Variants in CPNE5 observed in about 807,000 individuals in gnomAD.
CPNE5 encodes copine 5, also known as copine-5.
CPNE5 carries 42 observed loss-of-function variants against 81.1 expected under a neutral mutation model. That is an observed-to-expected ratio of 0.52 (90% CI 0.40 to 0.67). The LOEUF (loss-of-function observed/expected upper bound fraction) is 0.67. Among genes scored for constraint, CPNE5 ranks in the 30% least tolerant of loss-of-function variants. The pLI is 0.00. For synonymous variants in CPNE5, 313 were observed against 321.5 expected, an observed-to-expected ratio of 0.97 and a Z score of 0.28; for missense variants, 612 against 815.5, an observed-to-expected ratio of 0.75 and a Z score of 3.04.
intron 3 of CPNE5, among the ~76,000 whole-genome samples, chr6:36,821,671 A>G (rs1583015397): frequency 6.6e-6 from 1 of 152,172 alleles, no homozygotes; most frequent in East Asian, 1.9e-4. Context: ...GACTTGATTC[A>G]ATGCAGAAGG....
intron 16 of CPNE5, 123 bp from the exon 17 acceptor site, chr6:36,745,638 G>T (rs1355115063): frequency 6.3e-6 from 7 of 1,119,100 alleles, no homozygotes; most frequent in Non-Finnish European, 8.8e-6. Context: ...TCTCTGGTGT[G>T]GGGTGGCGGG....
chr6:36,823,072 G>T lies in CPNE5; in HGVS notation c.122C>A (p.Ser41Tyr), dbSNP rs777855510. ...CRNLLDKDMF[S>Y]KSDPLCVMYT... is the part of the protein sequence containing the mutation. The stretch of plus-strand genomic sequence containing the variant: ...GCAGGACTTACGTGGGTCGGACTTG[G>T]AAAACATGTCTTTGTCCAGGAGGTT... The change falls in exon 2 of 21, where the codon TCC becomes TAC. Residue 41 changes from serine (S) to tyrosine (Y), a missense_variant. By Grantham distance (144) the Ser-to-Tyr change is moderately radical. Transcript: ENST00000244751. 1 of 1,576,566 alleles carries T rather than the reference G, an allele frequency of 6.3e-7. No homozygotes were observed.
chr6:36,764,244 C>G (rs74509266), intron 11 of CPNE5, among the ~76,000 whole-genome samples: 4 of 152,044 alleles, frequency 2.6e-5, no homozygotes, highest in African/African-American at 9.7e-5. Flanking sequence ...AGTACAGGAA[C>G]GCCAGGGTAA....
At chr6:36,744,379 A>C in intron 18 of CPNE5, 54 bp from the exon 19 acceptor site, 1 of 1,422,410 alleles carries the variant, frequency 7.0e-7, no homozygotes, top group Non-Finnish European at 9.7e-7. Context: ...GGACCCAGTT[A>C]AAAGGAAGGA....
intron 1 of CPNE5, 45 bp from the exon 2 acceptor site, chr6:36,823,143 G>A (rs1355911550): frequency 6.7e-7 from 1 of 1,481,702 alleles, no homozygotes; most frequent in African/African-American, 1.4e-5. Context: ...CCAGCTGAGA[G>A]GAGGCGACCT....
intron 1 of CPNE5, among the ~76,000 whole-genome samples, chr6:36,834,339 TTG>T (rs1373874008): frequency 3.7e-5 from 5 of 134,060 alleles, no homozygotes; most frequent in Non-Finnish European, 6.2e-5. Context: ...AAAAAACAAG[TTG>T]TGTTATTTAT....
Position 36,780,702 on chromosome 6 carries a change from C to T in CPNE5, c.529-1745G>A, listed in dbSNP as rs138054869. Among the ~76,000 whole-genome samples the T allele has an allele frequency of 8.1e-4, 123 of 152,322 alleles. 1 individual carries two copies. Among genetic ancestry groups the T allele is most frequent in the African/African-American group, 2.5e-3 (104 of 41,556 alleles). On this transcript the variant is annotated intron_variant, in intron 8 of 20. Coordinates refer to ENST00000244751, the MANE Select transcript of CPNE5 (RefSeq NM_020939.2). ...CTCCAGCACCTCACTTGCCTTCCCT[C>T]GGGGACATCTGATGACAACAAACAC...
chr6:36,836,996 T>C (rs895079055), intron 1 of CPNE5, among the ~76,000 whole-genome samples: 1 of 152,218 alleles, frequency 6.6e-6, no homozygotes, highest in Non-Finnish European at 1.5e-5. Context: ...AAAAGGGTAT[T>C]GACCCAGGGT....
intron 3 of CPNE5, among the ~76,000 whole-genome samples, 199 bp downstream of exon 3, chr6:36,821,915 G>C (rs1454597566): frequency 6.6e-6 from 1 of 152,206 alleles, no homozygotes; most frequent in Non-Finnish European, 1.5e-5. Context: ...CTGCCTGAGG[G>C]CAGGAACCAT....
chr6:36,811,205 T>C lies in CPNE5; in HGVS notation c.183+10909A>G, dbSNP rs149092086. On this transcript the variant is annotated intron_variant, in intron 3 of 20. Transcript: ENST00000244751. Reference sequence around the variant, plus strand: ...GTCTGACTGTAGAGGGTGGGGGGCCTGAGCAGTCCCCACCCTAAAGGAAGC... The same window carrying C: ...GTCTGACTGTAGAGGGTGGGGGGCCCGAGCAGTCCCCACCCTAAAGGAAGC... Among the ~76,000 whole-genome samples the C allele has an allele frequency of 2.5e-4, 38 of 152,184 alleles. No homozygotes were observed. The East Asian group carries it at 6.6e-3, about 26-fold the overall frequency.
intron 20 of CPNE5, chr6:36,743,260 T>C (rs898805648): frequency 2.0e-6 from 2 of 984,776 alleles, no homozygotes; most frequent in African/African-American, 1.7e-5. Context: ...GTCTTTCTGC[T>C]CATTATATTT....
At chr6:36,806,564 C>T (rs1770610829) in intron 3 of CPNE5, among the ~76,000 whole-genome samples, 1 of 152,184 alleles carries the variant, frequency 6.6e-6, no homozygotes, top group African/African-American at 2.4e-5. Flanking sequence ...GTGGATTTCC[C>T]CAAGCTCATC....
intron 10 of CPNE5, among the ~76,000 whole-genome samples, chr6:36,769,106 TTTTG>T (rs1350359955): frequency 1.3e-5 from 2 of 152,312 alleles, no homozygotes; most frequent in South Asian, 2.1e-4. Context: ...GGCCCGGGAT[TTTTG>T]TTTGTTTGTT....
At chr6:36,836,739 C>T (rs563846765) in intron 1 of CPNE5, among the ~76,000 whole-genome samples, 1 of 152,118 alleles carries the variant, frequency 6.6e-6, no homozygotes, top group Admixed American at 6.5e-5. Context: ...TGCTCCTCTC[C>T]TCCTCCTTTT....
intron 5 of CPNE5, 54 bp downstream of exon 5, chr6:36,798,401 A>G: frequency 6.3e-7 from 1 of 1,589,168 alleles, no homozygotes; most frequent in Non-Finnish European, 8.6e-7. Context: ...GCTCACCCAG[A>G]GGATGGCATT....
At chr6:36,818,425 A>G (rs1425929806) in intron 3 of CPNE5, among the ~76,000 whole-genome samples, 4 of 151,906 alleles carry the variant, frequency 2.6e-5, no homozygotes, top group Non-Finnish European at 5.9e-5. Flanking sequence ...CCATCTCCCT[A>G]TTTTCCCCAG....
intron 10 of CPNE5, among the ~76,000 whole-genome samples, chr6:36,774,129 A>T (rs1284775093): frequency 6.6e-6 from 1 of 151,312 alleles, no homozygotes; most frequent in Non-Finnish European, 1.5e-5. Flanking sequence ...CACACCTGTA[A>T]TCCCAGCACT....
intron 1 of CPNE5, among the ~76,000 whole-genome samples, chr6:36,837,838 G>T (rs537935862): frequency 6.6e-6 from 1 of 152,222 alleles, no homozygotes; most frequent in East Asian, 1.9e-4. Flanking sequence ...GGAGTGCCAG[G>T]CGCAGGGATG....
intron 13 of CPNE5, chr6:36,755,968 C>A (rs527633205): frequency 1.4e-5 from 7 of 493,778 alleles, no homozygotes; most frequent in South Asian, 3.0e-5. Flanking sequence ...ATAAATACGA[C>A]TTCTCTTCCT....
Sources: gnomAD v4.1 joint callset for allele counts (sites outside exome capture counted in the v4.1 genomes callset) on GRCh38, gnomAD v4.1.1 for gene constraint, MANE v1.5 for transcripts, NCBI Gene and HGNC (gene_info 2026-07-23, HGNC 2026-07-21) for gene names.